SPAG17: variants seen among roughly 807,000 people sequenced by gnomAD.
The protein encoded by SPAG17 is sperm-associated antigen 17.
In SPAG17, 169 loss-of-function variants were observed where a neutral mutation model predicts 273.6. The observed-to-expected ratio is 0.62, with a 90% CI of 0.55 to 0.70. The LOEUF is 0.70. Ranked by LOEUF, SPAG17 falls within the 30% of genes least tolerant of loss-of-function variation. The pLI, the probability that SPAG17 is intolerant of heterozygous loss-of-function variation, is 0.00. For missense variants in SPAG17, 2,557 were observed against 2,627.8 expected, an observed-to-expected ratio of 0.97 and a Z score of 0.59; for synonymous variants, 825 against 873.2, an observed-to-expected ratio of 0.94 and a Z score of 0.97.
intron 3 of SPAG17, among the ~76,000 whole-genome samples, chr1:118,126,351 G>A (rs1002840749): frequency 1.3e-5 from 2 of 149,330 alleles, no homozygotes; most frequent in Middle Eastern, 3.5e-3. Flanking sequence ...AACTACAGGC[G>A]CCCGCCACTA....
At chr1:118,036,717 C>T in intron 24 of SPAG17, 53 bp downstream of exon 24, 1 of 1,217,284 alleles carries the variant, frequency 8.2e-7, no homozygotes, top group Non-Finnish European at 1.2e-6. Flanking sequence ...TGGGCAGTGG[C>T]AGGGACCCTT....
chr1:118,090,396 T>C (rs979500059), intron 10 of SPAG17, among the ~76,000 whole-genome samples: 4 of 152,160 alleles, frequency 2.6e-5, no homozygotes, highest in African/African-American at 9.7e-5. Context: ...GAAATCAAAA[T>C]AATTCATGGG....
intron 10 of SPAG17, among the ~76,000 whole-genome samples, chr1:118,087,447 G>A (rs1484181074): frequency 1.3e-5 from 2 of 152,132 alleles, no homozygotes; most frequent in Non-Finnish European, 2.9e-5. Flanking sequence ...GATCATTTAA[G>A]CCTCACAGCA....
intron 1 of SPAG17, among the ~76,000 whole-genome samples, chr1:118,162,371 A>G (rs1309705494): frequency 4.6e-5 from 7 of 152,166 alleles, no homozygotes; most frequent in Non-Finnish European, 1.0e-4. Context: ...CACAACCTGG[A>G]CCTTAGCAAA....
chr1:118,150,676 A>C, intron 2 of SPAG17, 47 bp from the exon 3 acceptor site: 1 of 1,088,360 alleles, frequency 9.2e-7, no homozygotes, highest in Non-Finnish European at 1.4e-6. Flanking sequence ...CCTTATTTGA[A>C]GAATACTTAG....
rs1653647326 is a variant in SPAG17, at chr1:118,072,025, A to T, written c.2385+1829T>A. Among the ~76,000 whole-genome samples, 3 of 152,218 alleles carry T rather than the reference A, an allele frequency of 2.0e-5. 1 individual carries two copies. The South Asian group carries it at 6.2e-4, about 31-fold the overall frequency. ...ACAAAGGCATATCAACAGGAAATCA[A>T]GAGCATTGGAACAAAGAGAAGATCT... On this transcript the variant is annotated intron_variant, in intron 17 of 48. Coordinates refer to ENST00000336338, the MANE Select transcript of SPAG17 (RefSeq NM_206996.4).
At chr1:118,183,609 A>G (rs1361528814) in intron 1 of SPAG17, among the ~76,000 whole-genome samples, 2 of 152,232 alleles carry the variant, frequency 1.3e-5, no homozygotes, top group Non-Finnish European at 1.5e-5. Context: ...GAGTAGGATC[A>G]AGAAAGCTGA....
chr1:118,083,700 G>A (rs754459971), intron 13 of SPAG17, among the ~76,000 whole-genome samples: 1 of 151,992 alleles, frequency 6.6e-6, no homozygotes, highest in East Asian at 1.9e-4. Context: ...TGGGAGAATC[G>A]CTTGAACCCA....
chr1:118,118,561 G>T (rs1161221634), intron 3 of SPAG17, among the ~76,000 whole-genome samples: 1 of 152,172 alleles, frequency 6.6e-6, no homozygotes, highest in Non-Finnish European at 1.5e-5. Flanking sequence ...GTCTTAACGG[G>T]CAAATGAGAC....
chr1:117,975,894 CTAT>C (rs1485918854), intron 43 of SPAG17, among the ~76,000 whole-genome samples: 2 of 152,100 alleles, frequency 1.3e-5, no homozygotes, highest in Non-Finnish European at 1.5e-5. Flanking sequence ...GTTGCTCATA[CTAT>C]TATTATTAAT....
chr1:118,174,992 A>C (rs2102400909), intron 1 of SPAG17, among the ~76,000 whole-genome samples: 1 of 150,776 alleles, frequency 6.6e-6, no homozygotes, highest in Admixed American at 6.6e-5. Context: ...ATATGTGAAT[A>C]GATTGGAAGG....
At position 118,145,332 on chromosome 1, in the gene SPAG17, G is replaced by T. The variant is rs1009238838; in HGVS notation, c.315+5211C>A. ...GAATCTGAAAAAGAGTGGCAAAATA[G>T]ATTATAATTAAGCCTGTGTTCTCAC... On this transcript the variant is annotated intron_variant, in intron 3 of 48. Transcript: ENST00000336338. Among the ~76,000 whole-genome samples the T allele has an allele frequency of 3.3e-5, 5 of 152,274 alleles. 1 individual carries two copies. The East Asian group carries it at 7.7e-4, about 24-fold the overall frequency.
chr1:118,148,145 A>C (rs571096090), intron 3 of SPAG17, among the ~76,000 whole-genome samples: 21 of 150,932 alleles, frequency 1.4e-4, no homozygotes, highest in African/African-American at 4.7e-4. Context: ...CACAGTGCAG[A>C]GTTTCCTTTG....
chr1:118,149,552 A>G (rs1659258632), intron 3 of SPAG17, among the ~76,000 whole-genome samples: 2 of 152,234 alleles, frequency 1.3e-5, no homozygotes, highest in Non-Finnish European at 2.9e-5. Flanking sequence ...TGACTGCAAA[A>G]GCACAGATAA....
At chr1:117,989,277 T>G (rs1276994405) in intron 38 of SPAG17, among the ~76,000 whole-genome samples, 1 of 152,110 alleles carries the variant, frequency 6.6e-6, no homozygotes, top group Non-Finnish European at 1.5e-5. Context: ...CTGCAGGCTG[T>G]GCAAGAAGCA....
intron 48 of SPAG17, chr1:117,963,047 T>G (rs1653311281): frequency 6.6e-6 from 1 of 152,222 alleles, no homozygotes; most frequent in South Asian, 2.1e-4. Flanking sequence ...CACCATATAT[T>G]CAAGTCCTTT....
At chr1:117,993,272 G>C (rs1019668358) in intron 35 of SPAG17, among the ~76,000 whole-genome samples, 1 of 152,170 alleles carries the variant, frequency 6.6e-6, no homozygotes, top group African/African-American at 2.4e-5. Flanking sequence ...AAAAGGCCTG[G>C]CCTGTGACAG....
At position 118,005,449 on chromosome 1, in the gene SPAG17, A is replaced by C. The variant is rs1302819751; in HGVS notation, c.4741T>G (p.Cys1581Gly). ...TTTCCCTCAGGATCCAGAACCTCAC[A>C]GATAACCTCTGAAGTATGCCTCATG... is the stretch of plus-strand genomic sequence containing the variant. ...YIMRHTSEVI[C>G]EVLDPEGNTF... is the part of the protein sequence containing the mutation. The change falls in exon 32 of 49, where the codon TGT becomes GGT. Residue 1581 changes from cysteine (C) to glycine (G), a missense_variant. By Grantham distance (159) the Cys-to-Gly change is radical (BLOSUM62 -3). Transcript: ENST00000336338. 1.2e-6 allele frequency: 2 copies of C among 1,611,886 alleles called. No individual in the cohort carries two copies. The highest frequency in any genetic ancestry group is 1.7e-6 in the Non-Finnish European group (2 of 1,179,062).
intron 10 of SPAG17, among the ~76,000 whole-genome samples, chr1:118,089,871 T>A (rs901475324): frequency 6.6e-6 from 1 of 152,094 alleles, no homozygotes; most frequent in African/African-American, 2.4e-5. Context: ...ATGAGGGTGG[T>A]TTCCCCCATG....
Sources: allele counts gnomAD v4.1 joint callset (sites outside exome capture counted in the v4.1 genomes callset), GRCh38; gene constraint gnomAD v4.1.1; transcripts MANE v1.5; gene names NCBI Gene and HGNC (gene_info 2026-07-23, HGNC 2026-07-21).